Variants in NCAM2 observed in about 807,000 individuals in gnomAD.
The protein encoded by NCAM2 is neural cell adhesion molecule 2, also known as N-CAM-2.
NCAM2 carries 30 observed loss-of-function variants against 98.1 expected under a neutral mutation model. That is an observed-to-expected ratio of 0.31 (90% CI 0.23 to 0.41). The LOEUF is 0.41. Among genes scored for constraint, NCAM2 ranks in the 10% least tolerant of loss-of-function variants. The pLI is 1.00. For missense variants in NCAM2, 867 were observed against 1,005.8 expected (o/e 0.86, Z 1.87); for synonymous variants, 368 against 342.4 (o/e 1.07, Z -0.83).
intron 1 of NCAM2, among the ~76,000 whole-genome samples, chr21:21,205,519 T>A (rs766927424): frequency 2.6e-5 from 4 of 152,162 alleles, no homozygotes; most frequent in Non-Finnish European, 5.9e-5. Flanking sequence ...TAGTGACACA[T>A]TATAAAGCCT....
intron 1 of NCAM2, among the ~76,000 whole-genome samples, chr21:21,047,907 G>A (rs1477444592): frequency 6.6e-6 from 1 of 152,082 alleles, no homozygotes; most frequent in African/African-American, 2.4e-5. Flanking sequence ...AACACTGTAT[G>A]TCATAACTTA....
chr21:21,329,539 A>G (rs960528569), intron 6 of NCAM2, among the ~76,000 whole-genome samples: 2 of 152,146 alleles, frequency 1.3e-5, no homozygotes, highest in African/African-American at 4.8e-5. Flanking sequence ...GCATGACTGC[A>G]TTATCCTTTT....
Position 21,537,863 on chromosome 21 carries a change from A to G in NCAM2, c.2420A>G (p.Glu807Gly). Residue 807 changes from glutamate (E) to glycine (G), a missense_variant, in exon 18 of 18, where the codon GAA becomes GGA. By Grantham distance (98) the Glu-to-Gly change is moderately conservative. Coordinates refer to ENST00000400546, the MANE Select transcript of NCAM2 (RefSeq NM_004540.5). Reference sequence around the variant, plus strand: ...TCTTCCAGAAAATTGCCTTTAAAGGAAGAAGATGGGAAAGAAGCTCTAAAT... The same window carrying G: ...TCTTCCAGAAAATTGCCTTTAAAGGGAGAAGATGGGAAAGAAGCTCTAAAT... ...LTEPEKLPLK[E>G]EDGKEALNPE... 6.4e-7 allele frequency: 1 copy of G among 1,555,036 alleles called. No homozygotes were observed.
chr21:21,182,255 G>C (rs532362790), intron 1 of NCAM2, among the ~76,000 whole-genome samples: 1 of 152,158 alleles, frequency 6.6e-6, no homozygotes, highest in South Asian at 2.1e-4. Context: ...GTATTATTTA[G>C]TAACTTTATA....
intron 1 of NCAM2, chr21:21,147,383 T>C: frequency 1.5e-6 from 1 of 646,140 alleles, no homozygotes; most frequent in Non-Finnish European, 1.9e-6. Context: ...AATTTTGGAG[T>C]GACTCAGTCA....
chr21:21,306,704 G>C (rs1375171721), intron 5 of NCAM2, among the ~76,000 whole-genome samples: 1 of 152,070 alleles, frequency 6.6e-6, no homozygotes, highest in East Asian at 1.9e-4. Context: ...AAACAATCCA[G>C]TTACACTCTA....
At chr21:21,132,322 T>C (rs1300610614) in intron 1 of NCAM2, among the ~76,000 whole-genome samples, 4 of 152,130 alleles carry the variant, frequency 2.6e-5, no homozygotes, top group Admixed American at 6.6e-5. Flanking sequence ...ACTACAATAG[T>C]GCCACTAGGA....
intron 1 of NCAM2, among the ~76,000 whole-genome samples, chr21:21,071,208 G>T (rs1415896096): frequency 6.6e-6 from 1 of 152,108 alleles, no homozygotes; most frequent in Non-Finnish European, 1.5e-5. Flanking sequence ...GAAGAACTTA[G>T]GACATGTTGT....
chr21:21,104,186 A>G (rs2066298126), intron 1 of NCAM2, among the ~76,000 whole-genome samples: 1 of 152,126 alleles, frequency 6.6e-6, no homozygotes, highest in African/African-American at 2.4e-5. Flanking sequence ...AATTTATGAC[A>G]TGTTATCTTT....
chr21:21,267,215 A>G (rs958946045), intron 1 of NCAM2, among the ~76,000 whole-genome samples: 7 of 152,040 alleles, frequency 4.6e-5, no homozygotes, highest in South Asian at 2.1e-4. Context: ...TACTATTACA[A>G]TTTTTCTTAG....
chr21:21,498,732 G>T (rs929487845), intron 15 of NCAM2, among the ~76,000 whole-genome samples: 1 of 152,062 alleles, frequency 6.6e-6, no homozygotes, highest in African/African-American at 2.4e-5. Flanking sequence ...TTGGGGAGGT[G>T]ATTTTGATTC....
chr21:21,015,969 A>G (rs1014723954), intron 1 of NCAM2, among the ~76,000 whole-genome samples: 4 of 152,028 alleles, frequency 2.6e-5, no homozygotes, highest in African/African-American at 9.7e-5. Flanking sequence ...CGGCCTCCCA[A>G]AATGCTGGCA....
chr21:21,536,466 A>G (rs2146434259), intron 17 of NCAM2, among the ~76,000 whole-genome samples: 1 of 149,376 alleles, frequency 6.7e-6, no homozygotes. Flanking sequence ...ATCTCAGCTC[A>G]CCTCAACCTC....
intron 1 of NCAM2, among the ~76,000 whole-genome samples, chr21:21,094,457 A>G (rs2066076008): frequency 6.6e-6 from 1 of 151,876 alleles, no homozygotes; most frequent in African/African-American, 2.4e-5. Flanking sequence ...AAGCTAAACA[A>G]TATACTCAGA....
intron 1 of NCAM2, among the ~76,000 whole-genome samples, chr21:21,144,710 C>A (rs1449373892): frequency 6.6e-6 from 1 of 152,080 alleles, no homozygotes; most frequent in Admixed American, 6.6e-5. Context: ...CCTCTGTTCC[C>A]AAATATCTGA....
At chr21:21,498,399 T>TAGC (rs1387042068) in intron 15 of NCAM2, among the ~76,000 whole-genome samples, 32 of 152,322 alleles carry the variant, frequency 2.1e-4, no homozygotes, top group African/African-American at 7.7e-4. Flanking sequence ...CAGACATTAC[T>TAGC]AGCATTACAT....
intron 1 of NCAM2, among the ~76,000 whole-genome samples, chr21:21,125,831 C>T (rs907760693): frequency 3.3e-5 from 5 of 150,826 alleles, no homozygotes; most frequent in Non-Finnish European, 5.9e-5. Context: ...GCACAATAGT[C>T]TCTGAATTGA....
chr21:21,462,713 T>C (rs941567766), intron 12 of NCAM2, among the ~76,000 whole-genome samples: 14 of 152,094 alleles, frequency 9.2e-5, no homozygotes. Context: ...TGATAAAGCG[T>C]TATTTCTAAA....
In NCAM2 at chr21:21,100,143, C is replaced by T. The variant is rs113596593; in HGVS notation, c.55+101525C>T. The stretch of plus-strand genomic sequence containing the variant: ...AAAATTGATTTTTCAAAATTCGTGG[C>T]AGAAACCACAGTTTAAAAAATGTTT... On this transcript the variant is annotated intron_variant, in intron 1 of 17. Coordinates refer to ENST00000400546, the MANE Select transcript of NCAM2 (RefSeq NM_004540.5). 8.3e-3 allele frequency among the ~76,000 whole-genome samples: 1,267 copies of T among 151,914 alleles called. 18 individuals are homozygous for T. Among genetic ancestry groups the T allele is most frequent in the Non-Finnish European group, 0.011 (773 of 67,908 alleles).
Sources: allele counts gnomAD v4.1 joint callset (sites outside exome capture counted in the v4.1 genomes callset), GRCh38; gene constraint gnomAD v4.1.1; transcripts MANE v1.5; gene names NCBI Gene and HGNC (gene_info 2026-07-23, HGNC 2026-07-21).